The following UNC5B variants were observed in gnomAD, a reference collection of about 807,000 sequenced individuals.
UNC5B encodes the protein unc-5 netrin receptor B.
In UNC5B, 56 loss-of-function variants were observed where a neutral mutation model predicts 103.7. That is an observed-to-expected ratio of 0.54 (90% CI 0.44 to 0.67). The LOEUF is 0.67. Among genes scored for constraint, UNC5B ranks in the 30% least tolerant of loss-of-function variants. UNC5B has a pLI of 0.00. For synonymous variants in UNC5B, 577 were observed against 542.0 expected, an observed-to-expected ratio of 1.06 and a Z score of -0.90; for missense variants, 1,194 against 1,284.5, an observed-to-expected ratio of 0.93 and a Z score of 1.08.
At chr10:71,218,475 C>T (rs1230681068) in intron 1 of UNC5B, among the ~76,000 whole-genome samples, 1 of 152,224 alleles carries the variant, frequency 6.6e-6, no homozygotes, top group Non-Finnish European at 1.5e-5. Flanking sequence ...TCATTTTGCC[C>T]CACACCTGCA....
chr10:71,229,397 A>C (rs1843637244), intron 1 of UNC5B, among the ~76,000 whole-genome samples: 1 of 152,232 alleles, frequency 6.6e-6, no homozygotes, highest in Admixed American at 6.5e-5. Flanking sequence ...TCCAAGCCTG[A>C]GAATTCTGCT....
At chr10:71,222,721 T>C (rs1199518563) in intron 1 of UNC5B, among the ~76,000 whole-genome samples, 1 of 152,232 alleles carries the variant, frequency 6.6e-6, no homozygotes, top group East Asian at 1.9e-4. Context: ...GGGCCTGCCC[T>C]GACCCAGGAG....
chr10:71,293,312 T>A, intron 11 of UNC5B, 93 bp from the exon 12 acceptor site: 2 of 1,436,408 alleles, frequency 1.4e-6, no homozygotes, highest in Non-Finnish European at 1.9e-6. Context: ...GCCCTCCACC[T>A]CCCGGGCCCT....
chr10:71,228,603 T>C (rs531021941), intron 1 of UNC5B, among the ~76,000 whole-genome samples: 35 of 152,250 alleles, frequency 2.3e-4, no homozygotes, highest in African/African-American at 8.2e-4. Flanking sequence ...ACAATGACCC[T>C]CGAACAGACT....
chr10:71,217,222 C>A (rs1843348924), intron 1 of UNC5B: 1 of 152,700 alleles, frequency 6.5e-6, no homozygotes, highest in African/African-American at 2.4e-5. Context: ...CAAACAAGTG[C>A]GTTCTGTGCT....
intron 2 of UNC5B, among the ~76,000 whole-genome samples, chr10:71,280,292 G>A (rs562907524): frequency 7.9e-5 from 12 of 152,202 alleles, no homozygotes; most frequent in African/African-American, 1.9e-4. Context: ...GCAAGTTCCC[G>A]TCAGGTGGGG....
intron 1 of UNC5B, among the ~76,000 whole-genome samples, chr10:71,216,665 TTTG>T (rs1404973224): frequency 6.6e-6 from 1 of 152,184 alleles, no homozygotes; most frequent in Non-Finnish European, 1.5e-5. Context: ...CTCCCCCACC[TTTG>T]TTGTTGAGTT....
chr10:71,291,202 CT>C, intron 9 of UNC5B, 93 bp downstream of exon 9: 1 of 1,460,516 alleles, frequency 6.8e-7, no homozygotes. Context: ...TCCTGACTCC[CT>C]CCCAGGGTTT....
chr10:71,300,770 G>A lies in UNC5B; in HGVS notation c.*1493G>A, dbSNP rs1297455037. ...AGCCTTGGAGGCGGGTGGCCTGGCT[G>A]TGCTTCATATGCCCAGGAGTGGAGA... On this transcript the variant is annotated 3_prime_UTR_variant, in exon 17 of 17. Coordinates refer to ENST00000335350, the MANE Select transcript of UNC5B (RefSeq NM_170744.5). 6.6e-6 allele frequency: 1 copy of A among 152,412 alleles called. No homozygotes were observed. 9.4% of individuals were successfully genotyped at this position (152,412 alleles called of 1,614,324 possible). A position where few individuals can be genotyped will look rare whatever the true frequency, so the allele number is the denominator to read the frequency against.
chr10:71,284,296 G>A (rs893693831), intron 2 of UNC5B, among the ~76,000 whole-genome samples: 11 of 152,156 alleles, frequency 7.2e-5, no homozygotes, highest in Non-Finnish European at 1.2e-4. Flanking sequence ...CGTGGCTGCA[G>A]AGCCAGGGAA....
rs41304627 is a variant in UNC5B at position 71,296,839 on chromosome 10, G to A, written c.2490+97G>A. Reference sequence around the variant, plus strand: ...TATTCCAGCTGCACACCACGCTGGCGGAGGTGAGGGAAGGGTGGGGCAGAT... The same window carrying A: ...TATTCCAGCTGCACACCACGCTGGCAGAGGTGAGGGAAGGGTGGGGCAGAT... On this transcript the variant is annotated intron_variant, in intron 15 of 16. Transcript: ENST00000335350. The A allele has an allele frequency of 5.0e-3, 2,792 of 555,314 alleles. 5 individuals carry two copies. Among genetic ancestry groups the A allele is most frequent in the South Asian group, 7.4e-3 (320 of 43,384 alleles). 34.4% of individuals were successfully genotyped at this position (555,314 alleles called of 1,614,324 possible). A position where few individuals can be genotyped will look rare whatever the true frequency, so the allele number is the denominator to read the frequency against.
intron 2 of UNC5B, among the ~76,000 whole-genome samples, chr10:71,283,064 G>A (rs564266863): frequency 1.2e-4 from 19 of 152,104 alleles, no homozygotes; most frequent in African/African-American, 4.3e-4. Context: ...AGGTTGCAGT[G>A]AGCCGAGATT....
In UNC5B at chr10:71,286,838, C is replaced by A. The variant is rs1845099591; in HGVS notation, c.702C>A (p.Arg234=). Residue 234 remains arginine, a synonymous_variant, in exon 5 of 17, where the codon CGC becomes CGA. Coordinates refer to ENST00000335350, the MANE Select transcript of UNC5B (RefSeq NM_170744.5). ...TCVAKNIVAK[R]RSTTATVIVY... is the part of the protein sequence containing the mutation. ...TGGCCAAGAACATCGTGGCCAAACGCCGGAGCACCACTGCCACCGTCATCG... is the reference window on the plus strand; with the variant it reads ...TGGCCAAGAACATCGTGGCCAAACGACGGAGCACCACTGCCACCGTCATCG... The A allele has an allele frequency of 1.2e-6, 2 of 1,614,034 alleles. No homozygotes were observed. The highest frequency in any genetic ancestry group is 2.7e-5 in the African/African-American group (2 of 74,930).
chr10:71,249,694 T>A (rs1311958188), intron 1 of UNC5B, among the ~76,000 whole-genome samples: 2 of 152,064 alleles, frequency 1.3e-5, no homozygotes, highest in Non-Finnish European at 2.9e-5. Flanking sequence ...ACAGAGCAGG[T>A]AGAAGGCAGG....
At chr10:71,243,182 C>T (rs1843946270) in intron 1 of UNC5B, among the ~76,000 whole-genome samples, 1 of 152,134 alleles carries the variant, frequency 6.6e-6, no homozygotes, top group Non-Finnish European at 1.5e-5. Context: ...TTGCAGTGAA[C>T]TCAGATCTCA....
Position 71,302,833 on chromosome 10 carries a change from T to C in UNC5B, c.*3556T>C, listed in dbSNP as rs759254365. 3 of 152,240 alleles carry C rather than the reference T, an allele frequency of 2.0e-5. No homozygotes were observed. The highest frequency in any genetic ancestry group is 2.9e-5 in the Non-Finnish European group (2 of 68,040). The allele number at this position is 152,240 out of a possible 1,614,324, so 9.4% of individuals were successfully genotyped here. A position where few individuals can be genotyped will look rare whatever the true frequency, so the allele number is the denominator to read the frequency against. Reference sequence around the variant, plus strand: ...CCTATTGTAACAAAATTAATTTTTATGAAATAAATTATATTTCCTAGTCTA... The same window carrying C: ...CCTATTGTAACAAAATTAATTTTTACGAAATAAATTATATTTCCTAGTCTA... On this transcript the variant is annotated 3_prime_UTR_variant, in exon 17 of 17. Coordinates refer to ENST00000335350, the MANE Select transcript of UNC5B (RefSeq NM_170744.5).
At chr10:71,262,826 C>T (rs1462226610) in intron 1 of UNC5B, among the ~76,000 whole-genome samples, 1 of 152,178 alleles carries the variant, frequency 6.6e-6, no homozygotes, top group East Asian at 1.9e-4. Context: ...AGACTGTTGG[C>T]TGCCCACGCA....
In UNC5B at chr10:71,293,786, G is replaced by A. The variant is rs755399346; in HGVS notation, c.2028G>A (p.Gln676=). 1 of 1,604,926 alleles carries A rather than the reference G, an allele frequency of 6.2e-7. No individual in the cohort carries two copies. Among genetic ancestry groups the A allele is most frequent in the East Asian group, 2.3e-5 (1 of 44,072 alleles). ...GGGCCTGTCACATCCTGCTGGACCA[G>A]CTGGGCACCTACGTGTTCACGGGCG... ...EPRACHILLD[Q]LGTYVFTGES... is the part of the protein sequence containing the mutation. The change falls in exon 13 of 17, where the codon CAG becomes CAA. Residue 676 remains glutamine, a synonymous_variant. Coordinates refer to ENST00000335350, the MANE Select transcript of UNC5B (RefSeq NM_170744.5).
chr10:71,227,707 T>TACACACACACACACAC (rs57747777), intron 1 of UNC5B, among the ~76,000 whole-genome samples: 1 of 128,054 alleles, frequency 7.8e-6, no homozygotes, highest in African/African-American at 3.2e-5. Context: ...TACACACATA[T>TACACACACACACACAC]ACACACACAC....
Sources: gnomAD v4.1 joint callset for allele counts (sites outside exome capture counted in the v4.1 genomes callset) on GRCh38, gnomAD v4.1.1 for gene constraint, MANE v1.5 for transcripts, NCBI Gene and HGNC (gene_info 2026-07-23, HGNC 2026-07-21) for gene names.